The following WDR35 variants were observed in gnomAD, a reference collection of about 807,000 sequenced individuals.
WDR35 encodes WD repeat-containing protein 35.
In WDR35, 118 loss-of-function variants were observed where a neutral mutation model predicts 158.3. That is an observed-to-expected ratio of 0.75 (90% CI 0.64 to 0.87). The LOEUF is 0.87. Ranked by LOEUF, WDR35 falls within the 40% of genes least tolerant of loss-of-function variation. The pLI is 0.00. For missense variants in WDR35, 1,263 were observed against 1,405.8 expected, an observed-to-expected ratio of 0.90 and a Z score of 1.62; for synonymous variants, 448 against 476.1, an observed-to-expected ratio of 0.94 and a Z score of 0.77.
At chr2:19,916,214 T>C (rs1669986898) in intron 25 of WDR35, among the ~76,000 whole-genome samples, 1 of 152,198 alleles carries the variant, frequency 6.6e-6, no homozygotes, top group Non-Finnish European at 1.5e-5. Context: ...GCCCAGATAC[T>C]GCACTTTTAA....
intron 22 of WDR35, 86 bp downstream of exon 22, chr2:19,933,315 A>G: frequency 2.7e-6 from 3 of 1,100,552 alleles, no homozygotes; most frequent in Non-Finnish European, 4.1e-6. Context: ...TAATCTTTAA[A>G]AGATCACTAG....
chr2:19,949,720 A>C (rs1036190326), intron 13 of WDR35, among the ~76,000 whole-genome samples: 49 of 152,224 alleles, frequency 3.2e-4, no homozygotes, highest in African/African-American at 1.2e-3. Context: ...TGACCTAGGC[A>C]GAAACTAATG....
At position 19,910,568 on chromosome 2, in the gene WDR35, C is replaced by A. The variant is rs781556463; in HGVS notation, c.*2990G>T. 1 of 152,158 alleles carries A rather than the reference C, an allele frequency of 6.6e-6. No individual in the cohort carries two copies. Among genetic ancestry groups the A allele is most frequent in the African/African-American group, 2.4e-5 (1 of 41,438 alleles). 9.4% of individuals were successfully genotyped at this position (152,158 alleles called of 1,614,324 possible). On this transcript the variant is annotated 3_prime_UTR_variant, in exon 27 of 27. Transcript: ENST00000281405. ...AAAAAAACAACTTGGCATTACTCAA[C>A]GGGAAGTCAGTACATGTTTTTTGCA...
At chr2:19,913,819 A>T (rs1431513974) in intron 26 of WDR35, 111 bp from the exon 27 acceptor site, 1 of 1,476,378 alleles carries the variant, frequency 6.8e-7, no homozygotes, top group Admixed American at 2.2e-5. Flanking sequence ...GATGAACATC[A>T]AATACTTTCA....
chr2:19,933,447 C>CTT lies in WDR35; in HGVS notation c.2611_2612insAA (p.Cys871Ter). 2 of 1,614,004 alleles carry CTT rather than the reference C, an allele frequency of 1.2e-6. No homozygotes were observed. The highest frequency in any genetic ancestry group is 1.7e-6 in the Non-Finnish European group (2 of 1,179,954). ...ATCTACTGCTGCCTTTGGTTGACTA[C>CTT]ATTTCAAAAATGCAGTCACTGCTTG... is the stretch of plus-strand genomic sequence containing the variant. ...CEQAVTAFLK[C>*]SQPKAAVDTC... The change falls in exon 22 of 27, where the codon TGT becomes TAAGT. Residue 871 changes from cysteine (C) to a stop codon, truncating the protein, a stop_gained and frameshift_variant. Coordinates refer to ENST00000281405, the MANE Select transcript of WDR35 (RefSeq NM_020779.4). LOFTEE classifies it high-confidence loss of function.
intron 2 of WDR35, among the ~76,000 whole-genome samples, chr2:19,987,020 A>C (rs1434898535): frequency 6.6e-6 from 1 of 152,244 alleles, no homozygotes; most frequent in Non-Finnish European, 1.5e-5. Flanking sequence ...CCAATACTAA[A>C]ATTGGTTAAG....
At chr2:19,921,848 T>A (rs1049137633) in intron 25 of WDR35, among the ~76,000 whole-genome samples, 1 of 152,158 alleles carries the variant, frequency 6.6e-6, no homozygotes, top group Non-Finnish European at 1.5e-5. Flanking sequence ...ATCCAGAATC[T>A]ACAAAGAACT....
In WDR35 at chr2:19,975,655, T is replaced by C. The variant is rs757257912; in HGVS notation, c.445A>G (p.Ile149Val). 1 of 1,614,038 alleles carries C rather than the reference T, an allele frequency of 6.2e-7. No homozygotes were observed. ...VIVGSVDGNR[I>V]WGKDLKGIQL... is the part of the protein sequence containing the mutation. ...ATACCCTTCAGGTCTTTTCCCCAAA[T>C]ACGATTGCCTAAAACAAAACATTAT... Residue 149 changes from isoleucine to valine, a missense_variant, in exon 6 of 27, where the codon ATT (isoleucine) becomes GTT (valine). Transcript: ENST00000281405.
At chr2:19,917,220 C>CA (rs1670017616) in intron 25 of WDR35, among the ~76,000 whole-genome samples, 1 of 152,192 alleles carries the variant, frequency 6.6e-6, no homozygotes, top group African/African-American at 2.4e-5. Flanking sequence ...GATGTCCACT[C>CA]AGAGACCCCA....
chr2:19,979,120 T>C (rs1196945624), intron 4 of WDR35, among the ~76,000 whole-genome samples: 1 of 152,188 alleles, frequency 6.6e-6, no homozygotes, highest in African/African-American at 2.4e-5. Flanking sequence ...TGCCCATCCT[T>C]TGTTTCTTCT....
At chr2:19,986,524 A>G (rs544615625) in intron 2 of WDR35, among the ~76,000 whole-genome samples, 2 of 152,344 alleles carry the variant, frequency 1.3e-5, no homozygotes, top group East Asian at 3.8e-4. Flanking sequence ...AACATTCTGA[A>G]TTCTCTTGTC....
intron 8 of WDR35, among the ~76,000 whole-genome samples, chr2:19,972,263 C>T (rs1672054780): frequency 6.6e-6 from 1 of 152,182 alleles, no homozygotes; most frequent in Admixed American, 6.5e-5. Context: ...ACTACTATGA[C>T]CTGAGGAACT....
chr2:19,973,589 C>T lies in WDR35; in HGVS notation c.856G>A (p.Val286Met). The change falls in exon 8 of 27, where the codon GTG (valine) becomes ATG (methionine). Residue 286 changes from valine (V) to methionine (M), a missense_variant. Coordinates refer to ENST00000281405, the MANE Select transcript of WDR35 (RefSeq NM_020779.4). ...TCACCAAACGGAGTGTAAAACTGCA[C>T]AATGTTCACATCTTTGTCCTGCATG... is the stretch of plus-strand genomic sequence containing the variant. ...AAMQDKDVNIVQFYTPFGEHL... is the reference protein window; with the variant it reads ...AAMQDKDVNIMQFYTPFGEHL... 2 of 1,614,146 alleles carry T rather than the reference C, an allele frequency of 1.2e-6. No individual in the cohort carries two copies. Among genetic ancestry groups the T allele is most frequent in the Non-Finnish European group, 8.5e-7 (1 of 1,180,024 alleles).
chr2:19,930,600 C>T (rs180711606), intron 24 of WDR35, 48 bp from the exon 25 acceptor site: 4 of 1,611,780 alleles, frequency 2.5e-6, no homozygotes, highest in African/African-American at 1.3e-5. Context: ...AACGCACACA[C>T]AGTGTCAACT....
chr2:19,910,494 G>A lies in WDR35; in HGVS notation c.*3064C>T, dbSNP rs970546204. The A allele has an allele frequency of 1.3e-5, 2 of 151,836 alleles. No individual in the cohort carries two copies. Among genetic ancestry groups the A allele is most frequent in the Admixed American group, 1.3e-4 (2 of 15,250 alleles). The allele number at this position is 151,836 out of a possible 1,614,324, so 9.4% of individuals were successfully genotyped here. A position where few individuals can be genotyped will look rare whatever the true frequency, so the allele number is the denominator to read the frequency against. ...TCAGTTCCATCATTTCAATATTTTG[G>A]CCCACCACACCACTTTGAAACATGT... On this transcript the variant is annotated 3_prime_UTR_variant, in exon 27 of 27. Coordinates refer to ENST00000281405, the MANE Select transcript of WDR35 (RefSeq NM_020779.4).
intron 25 of WDR35, among the ~76,000 whole-genome samples, chr2:19,915,388 G>A (rs1210021610): frequency 6.6e-6 from 1 of 151,158 alleles, no homozygotes; most frequent in Non-Finnish European, 1.5e-5. Flanking sequence ...TAGGTTCAAG[G>A]GTAATAATTT....
intron 16 of WDR35, among the ~76,000 whole-genome samples, chr2:19,942,237 AATTC>A (rs1349373425): frequency 1.3e-5 from 2 of 152,178 alleles, no homozygotes; most frequent in East Asian, 3.8e-4. Context: ...TGAAAATTCT[AATTC>A]ATGCAATTCA....
chr2:19,954,044 G>A lies in WDR35; in HGVS notation c.1256-66C>T, dbSNP rs1671339237. ...ATTGCAGAATGCTTGTGCTGCAAAG[G>A]CCTTTAGTAATCACGGAGTTCAACC... On this transcript the variant is annotated intron_variant, in intron 11 of 26. Transcript: ENST00000281405. 1.9e-6 allele frequency: 3 copies of A among 1,587,454 alleles called. No individual in the cohort carries two copies. The East Asian group carries it at 6.7e-5, about 35-fold the overall frequency.
chr2:19,924,491 G>C (rs1186986069), intron 25 of WDR35, among the ~76,000 whole-genome samples: 1 of 152,176 alleles, frequency 6.6e-6, no homozygotes, highest in African/African-American at 2.4e-5. Context: ...GTGAACCCGG[G>C]AGGCGGAGCT....
Sources: allele counts gnomAD v4.1 joint callset (sites outside exome capture counted in the v4.1 genomes callset), GRCh38; gene constraint gnomAD v4.1.1; transcripts MANE v1.5; gene names NCBI Gene and HGNC (gene_info 2026-07-23, HGNC 2026-07-21).